LCA5: variants seen among roughly 807,000 people sequenced by gnomAD.
LCA5 encodes lebercilin LCA5, also known as lebercilin.
Under a neutral mutation model 53.0 loss-of-function variants are expected in LCA5, and 37 were observed. The ratio of observed to expected loss-of-function variants is 0.70; its 90% CI spans 0.54 to 0.92. The LOEUF is 0.92. Ranked by LOEUF, LCA5 falls within the 40% of genes least tolerant of loss-of-function variation. The pLI is 0.00. For synonymous variants in LCA5, 303 were observed against 282.9 expected (o/e 1.07, Z -0.71); for missense variants, 806 against 790.5 (o/e 1.02, Z -0.23).
intron 3 of LCA5, among the ~76,000 whole-genome samples, chr6:79,495,925 T>C (rs550727124): frequency 9.9e-5 from 15 of 152,212 alleles, no homozygotes; most frequent in African/African-American, 3.6e-4. Context: ...AAACCCATGC[T>C]GTTCAGTGGT....
chr6:79,488,110 GA>G (rs1161506700), intron 7 of LCA5: 7 of 464,138 alleles, frequency 1.5e-5, no homozygotes, highest in Non-Finnish European at 2.3e-5. Context: ...TGGTGGGGAA[GA>G]AAGGTTCTTT....
At chr6:79,525,541 C>T (rs1766758978) in intron 1 of LCA5, among the ~76,000 whole-genome samples, 1 of 152,224 alleles carries the variant, frequency 6.6e-6, no homozygotes, top group South Asian at 2.1e-4. Context: ...GGAATAATCA[C>T]AATCCCAGGG....
At chr6:79,526,582 A>T (rs896328957) in intron 1 of LCA5, among the ~76,000 whole-genome samples, 5 of 152,060 alleles carry the variant, frequency 3.3e-5, no homozygotes, top group Admixed American at 2.6e-4. Context: ...TTTTACCTAG[A>T]TTTGGCCTGG....
intron 5 of LCA5, among the ~76,000 whole-genome samples, chr6:79,491,976 G>A (rs529463016): frequency 6.6e-6 from 1 of 151,890 alleles, no homozygotes; most frequent in African/African-American, 2.4e-5. Context: ...GGATTTACTG[G>A]CAATTATATG....
chr6:79,513,818 G>A, intron 2 of LCA5, 77 bp from the exon 3 acceptor site: 3 of 1,308,246 alleles, frequency 2.3e-6, no homozygotes, highest in South Asian at 2.4e-5. Context: ...AACACAAGTG[G>A]GTCCGTAACA....
chr6:79,510,311 T>C (rs1271535302), intron 3 of LCA5, among the ~76,000 whole-genome samples: 1 of 152,042 alleles, frequency 6.6e-6, no homozygotes, highest in Non-Finnish European at 1.5e-5. Flanking sequence ...AAACAAACAA[T>C]AAAGAACCTC....
chr6:79,523,329 A>T (rs1766681904), intron 1 of LCA5, among the ~76,000 whole-genome samples: 1 of 152,042 alleles, frequency 6.6e-6, no homozygotes, highest in South Asian at 2.1e-4. Context: ...CATGAAAAAA[A>T]TTGTCTAGAA....
chr6:79,502,862 A>G (rs1408223229), intron 3 of LCA5, among the ~76,000 whole-genome samples: 1 of 151,956 alleles, frequency 6.6e-6, no homozygotes, highest in Non-Finnish European at 1.5e-5. Context: ...CTAGTGACCT[A>G]TATGATTCTT....
chr6:79,490,509 A>T lies in LCA5; in HGVS notation c.1098+1079T>A, dbSNP rs181041505. ...TTTCTATTCCTTCTGTTGAATGTAT[A>T]CTGTAAAAAGACCTATATTTTAGTC... On this transcript the variant is annotated intron_variant, in intron 6 of 7. Coordinates refer to ENST00000369846, the MANE Select transcript of LCA5 (RefSeq NM_001122769.3). 1.5e-3 allele frequency among the ~76,000 whole-genome samples: 225 copies of T among 152,194 alleles called. 1 individual carries two copies. Among genetic ancestry groups the T allele is most frequent in the Admixed American group, 3.4e-3 (52 of 15,266 alleles).
intron 1 of LCA5, among the ~76,000 whole-genome samples, chr6:79,531,693 C>T (rs1766963554): frequency 6.6e-6 from 1 of 152,160 alleles, no homozygotes; most frequent in Non-Finnish European, 1.5e-5. Context: ...GGTCCTTAAC[C>T]TCACAGTAGT....
intron 6 of LCA5, among the ~76,000 whole-genome samples, chr6:79,491,232 C>G (rs1359808743): frequency 6.6e-6 from 1 of 152,000 alleles, no homozygotes; most frequent in East Asian, 1.9e-4. Context: ...TTCTGAAGCA[C>G]CTGAAATAGG....
In LCA5 at chr6:79,519,125, CTCTACAGTT is replaced by C. The variant is rs1319347666; in HGVS notation, c.-191-49_-191-41del. ...GGGGAAAGGAGACTTATCATACAGT[CTCTACAGTT>C]TCTACAGTTAATTACAATGAAAGAC... On this transcript the variant is annotated intron_variant, in intron 1 of 7. Transcript: ENST00000369846. The C allele has an allele frequency of 1.5e-4, 85 of 570,344 alleles. No homozygotes were observed. In the African/African-American group the frequency reaches 1.5e-3, roughly 10 times the overall value. The allele number at this position is 570,344 out of a possible 1,614,324, so 35.3% of individuals were successfully genotyped here.
intron 3 of LCA5, among the ~76,000 whole-genome samples, chr6:79,510,674 T>C (rs1489452010): frequency 1.3e-5 from 2 of 152,264 alleles, no homozygotes; most frequent in East Asian, 1.9e-4. Context: ...GAGAAAACTT[T>C]TGTAAACCAC....
rs536249662 is a variant in LCA5, at chr6:79,486,203, A to G, written c.*801T>C. ...TTTGCAGTTGGTATGTATTTCCACT[A>G]TTCCTTGCATTTGGCATGAAATCTT... On this transcript the variant is annotated 3_prime_UTR_variant, in exon 8 of 8. Transcript: ENST00000369846. 1.3e-5 allele frequency: 2 copies of G among 152,266 alleles called. No individual in the cohort carries two copies. The highest frequency in any genetic ancestry group is 4.8e-5 in the African/African-American group (2 of 41,568). 9.4% of individuals were successfully genotyped at this position (152,266 alleles called of 1,614,324 possible). A position where few individuals can be genotyped will look rare whatever the true frequency, so the allele number is the denominator to read the frequency against.
In LCA5 at chr6:79,513,632, A is replaced by C; in HGVS notation, c.300T>G (p.Val100=). ...REPLRKDTDL[V]TKRILSARLL... ...GTCTTGCAGACAGAATCCGTTTTGT[A>C]ACAAGATCAGTATCTTTCCGAAGTG... Residue 100 remains valine, a synonymous_variant, in exon 3 of 8, where the codon GTT becomes GTG. Coordinates refer to ENST00000369846, the MANE Select transcript of LCA5 (RefSeq NM_001122769.3). 1 of 1,613,902 alleles carries C rather than the reference A, an allele frequency of 6.2e-7. No individual in the cohort carries two copies. The highest frequency in any genetic ancestry group is 8.5e-7 in the Non-Finnish European group (1 of 1,179,860).
At chr6:79,514,715 C>T (rs151320967) in intron 2 of LCA5, among the ~76,000 whole-genome samples, 2 of 152,246 alleles carry the variant, frequency 1.3e-5, no homozygotes, top group African/African-American at 4.8e-5. Context: ...TTTGCAGGTT[C>T]GTGAATGGAA....
At chr6:79,499,635 T>C (rs1366617131) in intron 3 of LCA5, among the ~76,000 whole-genome samples, 1 of 151,958 alleles carries the variant, frequency 6.6e-6, no homozygotes, top group African/African-American at 2.4e-5. Flanking sequence ...AGTAGTTATC[T>C]TCGGCTGGCA....
intron 4 of LCA5, 79 bp downstream of exon 4, chr6:79,493,534 T>G (rs894807667): frequency 3.1e-6 from 4 of 1,273,934 alleles, no homozygotes; most frequent in Non-Finnish European, 4.5e-6. Context: ...CAAATATGAA[T>G]AGTAACATTT....
At chr6:79,490,998 C>T (rs1769822346) in intron 6 of LCA5, among the ~76,000 whole-genome samples, 1 of 151,648 alleles carries the variant, frequency 6.6e-6, no homozygotes, top group Non-Finnish European at 1.5e-5. Flanking sequence ...CTGCAATTAC[C>T]TTGTTCATTA....
Sources: gnomAD v4.1 joint callset for allele counts (sites outside exome capture counted in the v4.1 genomes callset) on GRCh38, gnomAD v4.1.1 for gene constraint, MANE v1.5 for transcripts, NCBI Gene and HGNC (gene_info 2026-07-23, HGNC 2026-07-21) for gene names.